The following GRID1 variants were observed in gnomAD, a reference collection of about 807,000 sequenced individuals.
The protein encoded by GRID1 is glutamate receptor ionotropic, delta-1.
Under a neutral mutation model 98.0 loss-of-function variants are expected in GRID1, and 28 were observed. The ratio of observed to expected loss-of-function variants is 0.29; its 90% CI spans 0.21 to 0.39. The LOEUF is 0.39. GRID1 is among the 10% of genes least tolerant of loss of function. The pLI is 1.00. For missense variants in GRID1, 1,111 were observed against 1,340.5 expected, an observed-to-expected ratio of 0.83 and a Z score of 2.67; for synonymous variants, 553 against 538.5, an observed-to-expected ratio of 1.03 and a Z score of -0.37.
chr10:86,088,950 G>C (rs1297019802), intron 4 of GRID1, among the ~76,000 whole-genome samples: 1 of 151,644 alleles, frequency 6.6e-6, no homozygotes, highest in Non-Finnish European at 1.5e-5. Context: ...CAAAGGTCCA[G>C]GAAAGGGGTA....
At chr10:85,940,570 T>C (rs1474412094) in intron 4 of GRID1, among the ~76,000 whole-genome samples, 1 of 152,214 alleles carries the variant, frequency 6.6e-6, no homozygotes, top group East Asian at 1.9e-4. Context: ...TCTGGAAATA[T>C]ATCTATGGAA....
intron 4 of GRID1, among the ~76,000 whole-genome samples, chr10:86,084,215 G>A (rs1487745185): frequency 6.6e-6 from 1 of 152,064 alleles, no homozygotes; most frequent in African/African-American, 2.4e-5. Flanking sequence ...CAGCCAGGCT[G>A]TGAGCACCAC....
At chr10:85,980,243 C>G (rs114316353) in intron 4 of GRID1, among the ~76,000 whole-genome samples, 2 of 152,256 alleles carry the variant, frequency 1.3e-5, no homozygotes, top group Non-Finnish European at 2.9e-5. Flanking sequence ...CCACCCACAG[C>G]CCCTGTTGGA....
At chr10:85,861,999 G>A (rs537175918) in intron 6 of GRID1, among the ~76,000 whole-genome samples, 13 of 147,648 alleles carry the variant, frequency 8.8e-5, no homozygotes, top group South Asian at 8.6e-4. Context: ...TCAGATACAC[G>A]TCTTCCACAT....
chr10:85,744,074 C>T (rs1277959000), intron 8 of GRID1, among the ~76,000 whole-genome samples: 2 of 152,078 alleles, frequency 1.3e-5, no homozygotes, highest in Non-Finnish European at 2.9e-5. Flanking sequence ...AAGATCAACT[C>T]CTGCAGACTA....
At position 85,751,464 on chromosome 10, in the gene GRID1, A is replaced by T. The variant is rs1353507946; in HGVS notation, c.1234-21850T>A. ...GCTTGAGAAAATCATGTCTTCTGCAATCCCATTGAGATAGCCCTCATCACA... is the reference window on the plus strand; with the variant it reads ...GCTTGAGAAAATCATGTCTTCTGCATTCCCATTGAGATAGCCCTCATCACA... On this transcript the variant is annotated intron_variant, in intron 8 of 15. Coordinates refer to ENST00000327946, the MANE Select transcript of GRID1 (RefSeq NM_017551.3). 2.0e-5 allele frequency among the ~76,000 whole-genome samples: 3 copies of T among 152,160 alleles called. No individual in the cohort carries two copies. The East Asian group carries it at 5.8e-4, about 29-fold the overall frequency.
intron 2 of GRID1, among the ~76,000 whole-genome samples, chr10:86,251,571 A>C (rs1846833166): frequency 6.6e-6 from 1 of 151,936 alleles, no homozygotes; most frequent in Admixed American, 6.6e-5. Context: ...CCTCCCTAGA[A>C]CATCAGGCCC....
chr10:85,836,365 T>C (rs933595227), intron 8 of GRID1, among the ~76,000 whole-genome samples: 2 of 149,594 alleles, frequency 1.3e-5, no homozygotes, highest in Non-Finnish European at 3.0e-5. Context: ...CGAGAGTGGA[T>C]GGAGGAAAGA....
intron 8 of GRID1, among the ~76,000 whole-genome samples, chr10:85,764,033 A>G (rs377665447): frequency 2.0e-5 from 3 of 152,244 alleles, no homozygotes; most frequent in East Asian, 3.9e-4. Flanking sequence ...ATTTTTCAAT[A>G]TTAGTTCTTA....
intron 5 of GRID1, among the ~76,000 whole-genome samples, chr10:85,872,205 GA>G (rs898098887): frequency 3.3e-5 from 5 of 152,072 alleles, no homozygotes; most frequent in Admixed American, 2.6e-4. Flanking sequence ...AAGAATATAA[GA>G]AAAAGCAATG....
intron 8 of GRID1, among the ~76,000 whole-genome samples, chr10:85,744,318 G>A (rs1313288358): frequency 2.0e-5 from 3 of 152,180 alleles, no homozygotes; most frequent in Non-Finnish European, 4.4e-5. Flanking sequence ...ATTTGCAAGT[G>A]TGGCTTTTAT....
chr10:85,753,766 T>TC (rs1226765050), intron 8 of GRID1, among the ~76,000 whole-genome samples: 1 of 152,200 alleles, frequency 6.6e-6, no homozygotes, highest in Non-Finnish European at 1.5e-5. Context: ...CAGGACAGCC[T>TC]CCCACGGGGA....
At chr10:86,225,839 T>C (rs1359182130) in intron 2 of GRID1, among the ~76,000 whole-genome samples, 1 of 152,178 alleles carries the variant, frequency 6.6e-6, no homozygotes, top group Non-Finnish European at 1.5e-5. Context: ...CTCAAGCCAA[T>C]GTGCCCTCAG....
chr10:86,179,578 G>T (rs1845625858), intron 3 of GRID1, among the ~76,000 whole-genome samples: 3 of 152,180 alleles, frequency 2.0e-5, no homozygotes, highest in Admixed American at 2.0e-4. Flanking sequence ...CTGACAGTTT[G>T]TGGGGCCTCA....
At chr10:86,237,760 T>C (rs1224560988) in intron 2 of GRID1, among the ~76,000 whole-genome samples, 4 of 151,324 alleles carry the variant, frequency 2.6e-5, no homozygotes, top group Non-Finnish European at 5.9e-5. Context: ...TCTCCTGCCA[T>C]GTAAGACATG....
intron 8 of GRID1, among the ~76,000 whole-genome samples, chr10:85,847,126 A>G (rs889622712): frequency 1.3e-5 from 2 of 152,228 alleles, no homozygotes; most frequent in African/African-American, 2.4e-5. Context: ...ATAAAATAAC[A>G]CAGTAAGCCA....
chr10:86,359,099 T>G (rs1176405297), intron 2 of GRID1, among the ~76,000 whole-genome samples: 2 of 152,224 alleles, frequency 1.3e-5, no homozygotes, highest in Non-Finnish European at 2.9e-5. Flanking sequence ...AGAATAAATG[T>G]GTGTTGATCT....
chr10:85,920,053 C>T (rs1019321816), intron 4 of GRID1, among the ~76,000 whole-genome samples: 1 of 152,150 alleles, frequency 6.6e-6, no homozygotes, highest in African/African-American at 2.4e-5. Flanking sequence ...TCCCAGCTGC[C>T]TTGCTCCCTA....
At chr10:86,336,637 G>T (rs1001144124) in intron 2 of GRID1, among the ~76,000 whole-genome samples, 1 of 152,210 alleles carries the variant, frequency 6.6e-6, no homozygotes, top group Non-Finnish European at 1.5e-5. Flanking sequence ...AGGCTCCAGG[G>T]CTGGTTTTCA....
Sources: allele counts gnomAD v4.1 joint callset (sites outside exome capture counted in the v4.1 genomes callset), GRCh38; gene constraint gnomAD v4.1.1; transcripts MANE v1.5; gene names NCBI Gene and HGNC (gene_info 2026-07-23, HGNC 2026-07-21).